FRYL: variants seen among roughly 807,000 people sequenced by gnomAD.
FRYL encodes FRY like transcription coactivator.
FRYL carries 150 observed loss-of-function variants against 351.2 expected under a neutral mutation model. That is an observed-to-expected ratio of 0.43 (90% CI 0.37 to 0.49). FRYL has a LOEUF of 0.49. Ranked by LOEUF, FRYL falls within the 20% of genes least tolerant of loss-of-function variation. FRYL has a pLI of 0.00. For missense variants in FRYL, 3,036 were observed against 3,619.3 expected, an observed-to-expected ratio of 0.84 and a Z score of 4.13; for synonymous variants, 1,153 against 1,257.1, an observed-to-expected ratio of 0.92 and a Z score of 1.75.
Position 48,581,470 on chromosome 4 carries a change from T to C in FRYL, c.2122A>G (p.Ser708Gly), listed in dbSNP as rs780269142. The C allele has an allele frequency of 3.3e-5, 54 of 1,613,844 alleles. No homozygotes were observed. Among genetic ancestry groups the C allele is most frequent in the Non-Finnish European group, 2.5e-6 (3 of 1,179,962 alleles). ...SRPATRRLAV[S>G]VLREIRALFA... ...AAAGCCCGTATTTCTCTAAGGACAC[T>C]GACGGCTAGTCTCCTAGTGGCAGGT... Residue 708 changes from serine to glycine, a missense_variant, in exon 21 of 64, where the codon AGT (serine) becomes GGT (glycine). By Grantham distance (56) the Ser-to-Gly change is moderately conservative. Transcript: ENST00000358350.
intron 3 of FRYL, among the ~76,000 whole-genome samples, chr4:48,655,998 A>G (rs902291789): frequency 7.3e-6 from 1 of 137,276 alleles, no homozygotes; most frequent in Non-Finnish European, 1.5e-5. Flanking sequence ...CAATATATGT[A>G]TATAATGTAA....
intron 28 of FRYL, among the ~76,000 whole-genome samples, chr4:48,566,172 A>T (rs1736737199): frequency 2.0e-5 from 3 of 152,124 alleles, no homozygotes; most frequent in South Asian, 2.1e-4. Flanking sequence ...CTTACATGTA[A>T]TCTCAGTATA....
At position 48,660,447 on chromosome 4, in the gene FRYL, A is replaced by G. The variant is rs74979016; in HGVS notation, c.-81+24226T>C. ...TCCACTATGCCTAAACTGTTTGTAT[A>G]AATAATACAATTTACATCAAACACC... On this transcript the variant is annotated intron_variant, in intron 3 of 63. Coordinates refer to ENST00000358350, the MANE Select transcript of FRYL (RefSeq NM_015030.2). Among the ~76,000 whole-genome samples the G allele has an allele frequency of 2.9e-3, 444 of 152,320 alleles. 4 individuals are homozygous for G. The highest frequency in any genetic ancestry group is 9.5e-3 in the African/African-American group (396 of 41,576).
At chr4:48,748,649 A>T (rs1772930557) in intron 1 of FRYL, among the ~76,000 whole-genome samples, 1 of 152,222 alleles carries the variant, frequency 6.6e-6, no homozygotes, top group Non-Finnish European at 1.5e-5. Context: ...GAAAAAAAAT[A>T]AAAACCAAGC....
Position 48,557,570 on chromosome 4 carries a change from ATCATCT to A in FRYL, c.4002_4007del (p.Glu1334_Asp1335del), listed in dbSNP as rs772193667. On this transcript the variant is annotated inframe_deletion, in exon 34 of 64. Transcript: ENST00000358350. ...CCATAAGTTCTCGGTCTTTTAAGGA[ATCATCT>A]TCATCTTCATCATGTCGCCTTGCTG... 1 of 1,614,160 alleles carries A rather than the reference ATCATCT, an allele frequency of 6.2e-7. No individual in the cohort carries two copies. The highest frequency in any genetic ancestry group is 8.5e-7 in the Non-Finnish European group (1 of 1,180,016).
At chr4:48,606,749 A>T in intron 9 of FRYL, 143 bp from the exon 10 acceptor site, 1 of 535,984 alleles carries the variant, frequency 1.9e-6, no homozygotes, top group Non-Finnish European at 3.1e-6. Context: ...AAAGGCACAC[A>T]GAGGAAAATA....
chr4:48,757,122 TGAA>T (rs1014503995), intron 1 of FRYL, among the ~76,000 whole-genome samples: 29 of 152,118 alleles, frequency 1.9e-4, no homozygotes, highest in Admixed American at 1.8e-3. Context: ...AGAAATGAAC[TGAA>T]AATGAAAGGT....
chr4:48,613,945 G>C (rs906991514), intron 7 of FRYL, among the ~76,000 whole-genome samples: 4 of 117,004 alleles, frequency 3.4e-5, no homozygotes, highest in African/African-American at 1.5e-4. Flanking sequence ...GACAGAGAGT[G>C]ACTCCAACCA....
chr4:48,557,054 G>A lies in FRYL; in HGVS notation c.4190C>T (p.Pro1397Leu). 6.2e-7 allele frequency: 1 copy of A among 1,606,120 alleles called. No individual in the cohort carries two copies. Among genetic ancestry groups the A allele is most frequent in the South Asian group, 1.1e-5 (1 of 90,128 alleles). The stretch of plus-strand genomic sequence containing the variant: ...GTGCAAAATTATTTTCAGGTTTTTG[G>A]GCCAGCCATCTGCAAGTGTGGTCCA... ...NVWTTLADGW[P>L]KNLKIILHFL... is the part of the protein sequence containing the mutation. Residue 1397 changes from proline (P) to leucine (L), a missense_variant, in exon 35 of 64, where the codon CCC (proline) becomes CTC (leucine). This residue lies in a region of FRYL where 1,987 missense variants were observed against 2,311.7 expected (regional missense o/e 0.86). Transcript: ENST00000358350.
At chr4:48,727,691 CA>C in intron 1 of FRYL, among the ~76,000 whole-genome samples, 1 of 152,306 alleles carries the variant, frequency 6.6e-6, no homozygotes, top group South Asian at 2.1e-4. Flanking sequence ...AAATGCACCA[CA>C]ACATTCTGTT....
At chr4:48,703,961 A>C (rs1301111689) in intron 2 of FRYL, among the ~76,000 whole-genome samples, 1 of 152,224 alleles carries the variant, frequency 6.6e-6, no homozygotes, top group Non-Finnish European at 1.5e-5. Context: ...TGATAAAGGG[A>C]ACACAGGTTT....
Position 48,602,054 on chromosome 4 carries a change from T to C in FRYL, c.1001A>G (p.His334Arg). The C allele has an allele frequency of 6.3e-7, 1 of 1,599,306 alleles. No individual in the cohort carries two copies. The highest frequency in any genetic ancestry group is 1.1e-5 in the South Asian group (1 of 90,726). Residue 334 changes from histidine to arginine, a missense_variant, in exon 13 of 64, where the codon CAT becomes CGT. Physicochemically the swap from His to Arg is conservative, Grantham distance 29 (BLOSUM62 0). Around this residue, in one of 7 missense-constraint regions of FRYL, gnomAD observed 457 missense variants for 566.6 expected, o/e 0.81. Transcript: ENST00000358350. The part of the protein sequence containing the change: ...SQKQFFLNNW[H>R]IFLQNCLSHL... ...TGACAAACAGTTCTGTAGGAAAATA[T>C]GCCAGTTATTTAAAAAAAATTGTTT... is the stretch of plus-strand genomic sequence containing the variant.
At chr4:48,519,735 G>A (rs916815451) in intron 55 of FRYL, among the ~76,000 whole-genome samples, 3 of 148,658 alleles carry the variant, frequency 2.0e-5, no homozygotes, top group East Asian at 4.0e-4. Context: ...TCTCTCTCTC[G>A]CTCTTTTTTT....
chr4:48,594,596 G>C (rs1295606565), intron 15 of FRYL, among the ~76,000 whole-genome samples: 2 of 152,148 alleles, frequency 1.3e-5, no homozygotes, highest in Non-Finnish European at 2.9e-5. Flanking sequence ...TAATCTTACT[G>C]ATACCCTTAT....
chr4:48,632,398 G>C (rs1458775608), intron 4 of FRYL, among the ~76,000 whole-genome samples: 1 of 150,092 alleles, frequency 6.7e-6, no homozygotes, highest in African/African-American at 2.4e-5. Context: ...AAGTAGACTA[G>C]TGTAGTAATT....
intron 5 of FRYL, among the ~76,000 whole-genome samples, chr4:48,621,900 T>C (rs1750716153): frequency 6.6e-6 from 1 of 152,202 alleles, no homozygotes; most frequent in Non-Finnish European, 1.5e-5. Flanking sequence ...AAATAGTTTC[T>C]AATACAGAAA....
At chr4:48,720,636 T>A (rs1167055983) in intron 1 of FRYL, among the ~76,000 whole-genome samples, 2 of 152,214 alleles carry the variant, frequency 1.3e-5, no homozygotes, top group Admixed American at 6.5e-5. Flanking sequence ...TCTATACCCA[T>A]TACAGTCAAC....
intron 3 of FRYL, chr4:48,653,670 T>C: frequency 8.0e-7 from 1 of 1,246,842 alleles, no homozygotes; most frequent in South Asian, 1.3e-5. Flanking sequence ...GCAATGATAA[T>C]AATACCTCAG....
At chr4:48,738,665 C>CTTT (rs748249556) in intron 1 of FRYL, among the ~76,000 whole-genome samples, 2 of 132,838 alleles carry the variant, frequency 1.5e-5, no homozygotes, top group Non-Finnish European at 3.3e-5. Context: ...ACATGGCTAA[C>CTTT]TTTTTTTTTT....
Sources: gnomAD v4.1 joint callset for allele counts (sites outside exome capture counted in the v4.1 genomes callset) on GRCh38, gnomAD v4.1.1 for gene constraint, gnomAD v4.1.1 regional missense constraint, MANE v1.5 for transcripts, NCBI Gene and HGNC (gene_info 2026-07-23, HGNC 2026-07-21) for gene names.